The following SMURF1 variants were observed in gnomAD, a reference collection of about 807,000 sequenced individuals.
SMURF1 encodes SMAD specific E3 ubiquitin protein ligase 1, also known as E3 ubiquitin-protein ligase SMURF1.
Under a neutral mutation model 98.0 loss-of-function variants are expected in SMURF1, and 44 were observed. The observed-to-expected ratio is 0.45, with a 90% CI of 0.35 to 0.58. SMURF1 has a LOEUF of 0.58. Among genes scored for constraint, SMURF1 ranks in the 20% least tolerant of loss-of-function variants. The pLI, the probability that SMURF1 is intolerant of heterozygous loss-of-function variation, is 0.00. For missense variants in SMURF1, 687 were observed against 938.4 expected (o/e 0.73, Z 3.50); for synonymous variants, 396 against 374.9 (o/e 1.06, Z -0.65).
rs1223266292 is a variant in SMURF1, at chr7:99,028,571, G to A, written c.*2013C>T. On this transcript the variant is annotated 3_prime_UTR_variant, in exon 18 of 18. Coordinates refer to ENST00000361368, the MANE Select transcript of SMURF1 (RefSeq NM_181349.3). The stretch of plus-strand genomic sequence containing the variant: ...ATGGGGATGGCGGTGCAGCTGCTAA[G>A]GCTCGCCCCCGACTCCTCCCAACAG... 1 of 152,282 alleles carries A rather than the reference G, an allele frequency of 6.6e-6. No individual in the cohort carries two copies. The highest frequency in any genetic ancestry group is 1.5e-5 in the Non-Finnish European group (1 of 68,102). The allele number at this position is 152,282 out of a possible 1,614,324, so 9.4% of individuals were successfully genotyped here.
intron 1 of SMURF1, among the ~76,000 whole-genome samples, chr7:99,069,560 A>G (rs749408414): frequency 5.3e-5 from 8 of 152,050 alleles, no homozygotes; most frequent in Admixed American, 3.9e-4. Context: ...AGGTCTTACT[A>G]TGTTGCCCAG....
chr7:99,037,552 T>C (rs1795193527), intron 14 of SMURF1, among the ~76,000 whole-genome samples: 1 of 152,240 alleles, frequency 6.6e-6, no homozygotes, highest in Non-Finnish European at 1.5e-5. Flanking sequence ...GAGCAGGTTC[T>C]GATATCACAG....
In SMURF1 at chr7:99,077,004, AC is replaced by A. The variant is rs369844670; in HGVS notation, c.56-15168del. Among the ~76,000 whole-genome samples, 1,051 of 151,838 alleles carry A rather than the reference AC, an allele frequency of 6.9e-3. 20 individuals are homozygous for A. The highest frequency in any genetic ancestry group is 0.024 in the African/African-American group (987 of 41,200). The stretch of plus-strand genomic sequence containing the variant: ...AATAATGTCTATAATAAAAAAAAAA[AC>A]AAAAAAGGTTACAGAACAGTGACGA... On this transcript the variant is annotated intron_variant, in intron 1 of 17. Coordinates refer to ENST00000361368, the MANE Select transcript of SMURF1 (RefSeq NM_181349.3).
chr7:99,121,171 T>C (rs1797608566), intron 1 of SMURF1: 1 of 146,300 alleles, frequency 6.8e-6, no homozygotes, highest in African/African-American at 2.5e-5. Flanking sequence ...AACACCCTGC[T>C]CTTCCCAAAT....
At position 99,143,889 on chromosome 7, in the gene SMURF1, G is replaced by C. The variant is rs1798211073; in HGVS notation, c.-109C>G. On this transcript the variant is annotated 5_prime_UTR_variant, in exon 1 of 18. Transcript: ENST00000361368. ...AGGTTACGGCTCCGGGCTGGGCGCC[G>C]GGGTCCGAGCCGGGACACAAACTCC... is the stretch of plus-strand genomic sequence containing the variant. 1 of 1,036,736 alleles carries C rather than the reference G, an allele frequency of 9.6e-7. No individual in the cohort carries two copies. The highest frequency in any genetic ancestry group is 1.7e-5 in the African/African-American group (1 of 57,872). 64.2% of individuals were successfully genotyped at this position (1,036,736 alleles called of 1,614,324 possible).
At chr7:99,034,600 GGTT>G (rs1359567448) in intron 16 of SMURF1, among the ~76,000 whole-genome samples, 1 of 152,116 alleles carries the variant, frequency 6.6e-6, no homozygotes, top group East Asian at 1.9e-4. Context: ...AGGCTCTCGG[GGTT>G]GTTGGGAGAA....
rs147363313 is a variant in SMURF1 at position 99,042,198 on chromosome 7, T to C, written c.1291A>G (p.Asn431Asp). The change falls in exon 12 of 18, where the codon AAT (asparagine) becomes GAT (aspartate). Residue 431 changes from asparagine (N) to aspartate (D), a missense_variant. By Grantham distance (23) the Asn-to-Asp change is conservative. Coordinates refer to ENST00000361368, the MANE Select transcript of SMURF1 (RefSeq NM_181349.3). The stretch of plus-strand genomic sequence containing the variant: ...TACTGGAAGAGCCCGTAATAAGGAT[T>C]CAGCATTTCATGGCACAGCAAGTAA... ...WLYLLCHEML[N>D]PYYGLFQYST... 1.7e-5 allele frequency: 28 copies of C among 1,614,066 alleles called. No homozygotes were observed. Among genetic ancestry groups the C allele is most frequent in the Non-Finnish European group, 2.3e-5 (27 of 1,180,000 alleles).
chr7:99,110,195 TGTG>T (rs1797287350), intron 1 of SMURF1, among the ~76,000 whole-genome samples: 1 of 152,154 alleles, frequency 6.6e-6, no homozygotes, highest in African/African-American at 2.4e-5. Context: ...AGTTCACAGA[TGTG>T]GTAAAGATCT....
In SMURF1 at chr7:99,051,370, G is replaced by A; in HGVS notation, c.793C>T (p.Pro265Ser). Reference protein sequence around the residue: ...TQTGVSTWHDPRIPRDLNSVN... With the variant: ...TQTGVSTWHDSRIPRDLNSVN... The stretch of plus-strand genomic sequence containing the variant: ...CAGGAGGCTTACCTTGGTATCCTGG[G>A]GTCGTGCCACGTGCTAACTCCAGTC... The change falls in exon 8 of 18, where the codon CCC becomes TCC. Residue 265 changes from proline to serine, a missense_variant. Physicochemically the swap from Pro to Ser is moderately conservative, Grantham distance 74. Around this residue, in one of 2 missense-constraint regions of SMURF1, gnomAD observed 415 missense variants for 508.4 expected, o/e 0.82. Coordinates refer to ENST00000361368, the MANE Select transcript of SMURF1 (RefSeq NM_181349.3). 1 of 1,613,998 alleles carries A rather than the reference G, an allele frequency of 6.2e-7. No individual in the cohort carries two copies. The highest frequency in any genetic ancestry group is 8.5e-7 in the Non-Finnish European group (1 of 1,179,922).
chr7:99,045,893 G>A (rs566290771), intron 10 of SMURF1, 92 bp from the exon 11 acceptor site: 16 of 920,388 alleles, frequency 1.7e-5, no homozygotes, highest in African/African-American at 9.8e-5. Context: ...TTAAGAACAC[G>A]CATCCATTCC....
chr7:99,032,849 C>T (rs1298324963), intron 17 of SMURF1, 188 bp downstream of exon 17: 3 of 815,160 alleles, frequency 3.7e-6, no homozygotes, highest in Non-Finnish European at 6.0e-6. Context: ...TGCTTGAGGG[C>T]TTCAGAATTG....
Position 99,068,606 on chromosome 7 carries a change from A to C in SMURF1, c.56-6769T>G, listed in dbSNP as rs146729934. 1.3e-3 allele frequency among the ~76,000 whole-genome samples: 197 copies of C among 152,258 alleles called. 1 individual carries two copies. The highest frequency in any genetic ancestry group is 4.2e-3 in the African/African-American group (174 of 41,540). ...TAAGCCACTGTGCCTGGCCCAGATCAATCTTTTGAATGCCATTTTCATGTT... is the reference window on the plus strand; with the variant it reads ...TAAGCCACTGTGCCTGGCCCAGATCCATCTTTTGAATGCCATTTTCATGTT... On this transcript the variant is annotated intron_variant, in intron 1 of 17. Transcript: ENST00000361368.
At chr7:99,087,625 G>GAT (rs1796714215) in intron 1 of SMURF1, among the ~76,000 whole-genome samples, 1 of 152,228 alleles carries the variant, frequency 6.6e-6, no homozygotes, top group Non-Finnish European at 1.5e-5. Context: ...AGTTTAGCTA[G>GAT]ATAGACAAAA....
At chr7:99,060,023 G>T (rs1179878311) in intron 3 of SMURF1, among the ~76,000 whole-genome samples, 3 of 152,076 alleles carry the variant, frequency 2.0e-5, no homozygotes, top group Middle Eastern at 3.4e-3. Flanking sequence ...TGCTAAAATG[G>T]CCAGGAGATT....
intron 1 of SMURF1, among the ~76,000 whole-genome samples, chr7:99,066,756 G>A (rs1007463708): frequency 1.3e-5 from 2 of 150,394 alleles, no homozygotes; most frequent in Admixed American, 6.6e-5. Flanking sequence ...TCCAGCCTGG[G>A]TGACACAGTG....
intron 12 of SMURF1, among the ~76,000 whole-genome samples, chr7:99,041,217 C>A (rs1326630764): frequency 5.3e-5 from 8 of 152,150 alleles, no homozygotes; most frequent in Non-Finnish European, 5.9e-5. Context: ...GCCTGGCCAA[C>A]ATGGCAAAAC....
At chr7:99,104,036 G>A (rs563744528) in intron 1 of SMURF1, among the ~76,000 whole-genome samples, 3 of 152,044 alleles carry the variant, frequency 2.0e-5, no homozygotes, top group East Asian at 3.9e-4. Context: ...ACATGCGTGC[G>A]TCACCACGCC....
At chr7:99,080,311 G>A (rs1796552470) in intron 1 of SMURF1, among the ~76,000 whole-genome samples, 1 of 152,166 alleles carries the variant, frequency 6.6e-6, no homozygotes, top group Non-Finnish European at 1.5e-5. Flanking sequence ...GTTTTGTTTT[G>A]TTTTTGAGAC....
At chr7:99,128,455 C>T (rs899916735) in intron 1 of SMURF1, among the ~76,000 whole-genome samples, 7 of 152,176 alleles carry the variant, frequency 4.6e-5, no homozygotes, top group Non-Finnish European at 7.3e-5. Context: ...TTCTAAATAC[C>T]AGGCTCCTAA....
Sources: allele counts gnomAD v4.1 joint callset (sites outside exome capture counted in the v4.1 genomes callset), GRCh38; gene constraint gnomAD v4.1.1; regional missense constraint gnomAD v4.1.1; transcripts MANE v1.5; gene names NCBI Gene and HGNC (gene_info 2026-07-23, HGNC 2026-07-21).